Variants in RPS6KA2 observed in about 807,000 individuals in gnomAD.
RPS6KA2 encodes ribosomal protein S6 kinase A2.
RPS6KA2 carries 42 observed loss-of-function variants against 91.8 expected under a neutral mutation model. The observed-to-expected ratio is 0.46, with a 90% CI of 0.36 to 0.59. RPS6KA2 has a LOEUF of 0.59. Among genes scored for constraint, RPS6KA2 ranks in the 20% least tolerant of loss-of-function variants. The pLI, the probability that RPS6KA2 is intolerant of heterozygous loss-of-function variation, is 0.00. For synonymous variants in RPS6KA2, 414 were observed against 393.6 expected, an observed-to-expected ratio of 1.05 and a Z score of -0.61; for missense variants, 798 against 978.5, an observed-to-expected ratio of 0.82 and a Z score of 2.46.
At chr6:166,467,549 G>C (rs1049904255) in intron 11 of RPS6KA2, among the ~76,000 whole-genome samples, 1 of 152,210 alleles carries the variant, frequency 6.6e-6, no homozygotes, top group African/African-American at 2.4e-5. Context: ...CTGGAAGGAG[G>C]AGACCAGTGA....
intron 2 of RPS6KA2, among the ~76,000 whole-genome samples, chr6:166,705,875 G>T (rs1433587255): frequency 6.6e-6 from 1 of 152,168 alleles, no homozygotes; most frequent in Non-Finnish European, 1.5e-5. Context: ...AAGTGTGATG[G>T]TATTTGGAGG....
chr6:166,788,043 A>G (rs939755028), intron 2 of RPS6KA2, among the ~76,000 whole-genome samples: 5 of 152,130 alleles, frequency 3.3e-5, no homozygotes, highest in African/African-American at 1.2e-4. Flanking sequence ...CTTCTCAAAA[A>G]AAGACATTTA....
At chr6:166,690,011 C>A (rs2128570697) in intron 2 of RPS6KA2, among the ~76,000 whole-genome samples, 1 of 152,342 alleles carries the variant, frequency 6.6e-6, no homozygotes, top group Non-Finnish European at 1.5e-5. Context: ...GGTGGCAGAG[C>A]TGCACGGTCC....
intron 10 of RPS6KA2, 43 bp downstream of exon 10, chr6:166,488,790 C>A: frequency 6.8e-7 from 1 of 1,467,504 alleles, no homozygotes. Context: ...TGCGGGGCAG[C>A]GCCCTGCACG....
intron 2 of RPS6KA2, among the ~76,000 whole-genome samples, chr6:166,817,834 C>G (rs1031864107): frequency 1.3e-5 from 2 of 151,696 alleles, no homozygotes; most frequent in Middle Eastern, 3.2e-3. Flanking sequence ...GTGATTCTTC[C>G]GTTTCAGCCT....
At chr6:166,531,375 G>T in intron 2 of RPS6KA2, 62 bp from the exon 3 acceptor site, 1 of 1,235,550 alleles carries the variant, frequency 8.1e-7, no homozygotes, top group Non-Finnish European at 1.2e-6. Flanking sequence ...TTCCATATTG[G>T]ATTTGACAAG....
chr6:166,672,286 G>A lies in RPS6KA2; in HGVS notation c.124-133502C>T, dbSNP rs78496918. On this transcript the variant is annotated intron_variant, in intron 2 of 21. Coordinates refer to the RPS6KA2 transcript ENST00000503859. The stretch of plus-strand genomic sequence containing the variant: ...GTGCTGCATACCTCCTGCACCACAA[G>A]CGATACTCAACCAGAAGCCGCCAAC... Among the ~76,000 whole-genome samples the A allele has an allele frequency of 4.6e-5, 7 of 152,230 alleles. No homozygotes were observed. In the East Asian group the frequency reaches 9.7e-4, roughly 21 times the overall value.
At chr6:166,643,677 G>C (rs1038621888) in intron 2 of RPS6KA2, among the ~76,000 whole-genome samples, 1 of 152,168 alleles carries the variant, frequency 6.6e-6, no homozygotes, top group Non-Finnish European at 1.5e-5. Flanking sequence ...TCATCTGGAC[G>C]ATGTGGTACC....
Position 166,412,906 on chromosome 6 carries a change from G to A in RPS6KA2, c.2077-19C>T. 6.5e-7 allele frequency: 1 copy of A among 1,542,954 alleles called. No homozygotes were observed. On this transcript the variant is annotated intron_variant, in intron 20 of 20. Transcript: ENST00000265678. The surrounding 1 kb of genome is among the most constrained non-coding windows in gnomAD (Gnocchi z 4.3). ...TCGCGCCCTGCAAAACAGAAGACAA[G>A]GGTGAGAGCCGCGGCGCCTCACTCC...
At chr6:166,641,657 G>A (rs1787435908) in intron 2 of RPS6KA2, among the ~76,000 whole-genome samples, 1 of 135,122 alleles carries the variant, frequency 7.4e-6, no homozygotes, top group African/African-American at 2.7e-5. Flanking sequence ...GAGGCGGGGG[G>A]TGCAGTGAGC....
intron 2 of RPS6KA2, among the ~76,000 whole-genome samples, chr6:166,805,242 C>G (rs845664): frequency 0.64 from 97,522 of 152,048 alleles, 31,334 homozygotes; most frequent in African/African-American, 0.66. Context: ...CCTTTCGCAA[C>G]CTGCAGGTAG....
In RPS6KA2 at chr6:166,538,802, G is replaced by C; in HGVS notation, c.100-18C>G. 1 of 1,412,748 alleles carries C rather than the reference G, an allele frequency of 7.1e-7. No individual in the cohort carries two copies. Among genetic ancestry groups the C allele is most frequent in the Non-Finnish European group, 1.0e-6 (1 of 997,928 alleles). The allele number at this position is 1,412,748 out of a possible 1,614,324, so 87.5% of individuals were successfully genotyped here. ...CCTTCTTCCTGCAAGAGAGCGGCAC[G>C]GGTGAGAAACACACCGCGAGGAGTC... On this transcript the variant is annotated intron_variant, in intron 1 of 20. Transcript: ENST00000265678.
At chr6:166,689,631 G>A (rs1789142000) in intron 2 of RPS6KA2, among the ~76,000 whole-genome samples, 1 of 152,154 alleles carries the variant, frequency 6.6e-6, no homozygotes, top group Non-Finnish European at 1.5e-5. Context: ...CAGGCCAGGG[G>A]GACCTAGTGG....
chr6:166,710,101 T>A (rs112196375), intron 2 of RPS6KA2, among the ~76,000 whole-genome samples: 423 of 152,364 alleles, frequency 2.8e-3, no homozygotes, highest in African/African-American at 9.6e-3. Context: ...ACACAATGTC[T>A]TTTTTCCCTA....
At chr6:166,801,183 T>C (rs1376660252) in intron 2 of RPS6KA2, among the ~76,000 whole-genome samples, 3 of 152,218 alleles carry the variant, frequency 2.0e-5, no homozygotes, top group African/African-American at 7.2e-5. Context: ...CAAAAGAATC[T>C]GATATGCTAA....
intron 11 of RPS6KA2, among the ~76,000 whole-genome samples, chr6:166,468,867 A>AAAAAAG (rs1236144307): frequency 6.6e-6 from 1 of 151,704 alleles, no homozygotes; most frequent in Non-Finnish European, 1.5e-5. Context: ...AAAAAAAAAA[A>AAAAAAG]AAAAAAGAAG....
chr6:166,745,865 A>G (rs1790991968), intron 2 of RPS6KA2, among the ~76,000 whole-genome samples: 1 of 152,212 alleles, frequency 6.6e-6, no homozygotes, highest in Admixed American at 6.5e-5. Flanking sequence ...CATCGTCTCT[A>G]CAACTGGTGA....
chr6:166,570,228 C>G (rs1365969032), intron 1 of RPS6KA2, among the ~76,000 whole-genome samples: 1 of 152,146 alleles, frequency 6.6e-6, no homozygotes, highest in East Asian at 1.9e-4. Flanking sequence ...AGCTCCAGAC[C>G]CTCGGGGAGC....
intron 1 of RPS6KA2, among the ~76,000 whole-genome samples, chr6:166,540,773 C>G (rs1783628331): frequency 6.6e-6 from 1 of 151,988 alleles, no homozygotes; most frequent in Admixed American, 6.6e-5. Flanking sequence ...TGGAAAGGGA[C>G]AGAAAAAAAT....
Sources: allele counts gnomAD v4.1 joint callset (sites outside exome capture counted in the v4.1 genomes callset), GRCh38; gene constraint gnomAD v4.1.1; non-coding constraint Gnocchi (gnomAD v3.1); transcripts MANE v1.5; gene names NCBI Gene and HGNC (gene_info 2026-07-23, HGNC 2026-07-21).